The following KIAA1755 variants were observed in gnomAD, a reference collection of about 807,000 sequenced individuals.
KIAA1755 encodes uncharacterized protein KIAA1755.
A neutral mutation model predicts 91.7 loss-of-function variants in KIAA1755; 68 were observed. The observed-to-expected ratio is 0.74, with a 90% CI of 0.61 to 0.91. The LOEUF (loss-of-function observed/expected upper bound fraction) is 0.91. Ranked by LOEUF, KIAA1755 falls within the 40% of genes least tolerant of loss-of-function variation. The probability of loss-of-function intolerance (pLI) is 0.00; values close to 1 mark genes in which losing one functional copy is unlikely to be tolerated. For synonymous variants in KIAA1755, 610 were observed against 604.6 expected (o/e 1.01, Z -0.13); for missense variants, 1,535 against 1,494.4 (o/e 1.03, Z -0.45).
chr20:38,213,495 C>T lies in KIAA1755; in HGVS notation c.3150G>A (p.Lys1050=), dbSNP rs980084959. 9.9e-6 allele frequency: 16 copies of T among 1,608,820 alleles called. No individual in the cohort carries two copies. Among genetic ancestry groups the T allele is most frequent in the Non-Finnish European group, 1.3e-5 (15 of 1,178,030 alleles). ...CTGGGCAAGAGCTGTGGGTCAGTGC[C>T]TTCTCCAGGAGCATCCGGATCTCCT... is the stretch of plus-strand genomic sequence containing the variant. The part of the protein sequence containing the change: ...RHEEIRMLLE[K]ALTHSSCPEA... Residue 1050 remains lysine (K), a synonymous_variant, in exon 14 of 14, where the codon AAG becomes AAA. Coordinates refer to ENST00000279024, the MANE Select transcript of KIAA1755 (RefSeq NM_001029864.2).
At position 38,240,764 on chromosome 20, in the gene KIAA1755, C is replaced by A; in HGVS notation, c.1367G>T (p.Cys456Phe). Residue 456 changes from cysteine (C) to phenylalanine (F), a missense_variant, in exon 3 of 14, where the codon TGC becomes TTC. By Grantham distance (205) the Cys-to-Phe change is radical. Transcript: ENST00000279024. Reference sequence around the variant, plus strand: ...AGGGGAGGAGGTGTTTCTGCTAGGGCAGGGCATGGGCTTGGGAAGTCTCCC... The same window carrying A: ...AGGGGAGGAGGTGTTTCTGCTAGGGAAGGGCATGGGCTTGGGAAGTCTCCC... The part of the protein sequence containing the change: ...RNGRLPKPMP[C>F]PSRNTSSPEP... 6.3e-7 allele frequency: 1 copy of A among 1,591,638 alleles called. No homozygotes were observed.
intron 1 of KIAA1755, among the ~76,000 whole-genome samples, chr20:38,255,759 A>C (rs1266548065): frequency 6.6e-6 from 1 of 152,170 alleles, no homozygotes; most frequent in Non-Finnish European, 1.5e-5. Flanking sequence ...AACAGCCCTG[A>C]TGCAGTGAGC....
intron 1 of KIAA1755, among the ~76,000 whole-genome samples, chr20:38,254,651 TG>T (rs1318713557): frequency 1.3e-5 from 2 of 151,120 alleles, no homozygotes; most frequent in African/African-American, 4.9e-5. Context: ...TAGCCAGGCA[TG>T]GTAGCTCATG....
chr20:38,255,045 C>T (rs570084944), intron 1 of KIAA1755, among the ~76,000 whole-genome samples: 40 of 152,058 alleles, frequency 2.6e-4, no homozygotes, highest in African/African-American at 9.2e-4. Flanking sequence ...GGTGTGGTGG[C>T]GGGTGCTGAA....
intron 1 of KIAA1755, among the ~76,000 whole-genome samples, chr20:38,255,848 C>A (rs567970298): frequency 6.6e-6 from 1 of 152,220 alleles, no homozygotes. Flanking sequence ...CGACCCCCTG[C>A]CCCTCACTGA....
At chr20:38,247,231 G>A (rs983536367) in intron 1 of KIAA1755, among the ~76,000 whole-genome samples, 5 of 152,080 alleles carry the variant, frequency 3.3e-5, no homozygotes, top group Admixed American at 6.5e-5. Context: ...GGTTCCCACC[G>A]TCTTCAGGAA....
At chr20:38,249,258 C>T (rs1456274167) in intron 1 of KIAA1755, among the ~76,000 whole-genome samples, 1 of 152,168 alleles carries the variant, frequency 6.6e-6, no homozygotes, top group Non-Finnish European at 1.5e-5. Flanking sequence ...ACCCATAGGT[C>T]ATGAGCCTCA....
chr20:38,245,356 A>G (rs1487975508), intron 2 of KIAA1755, among the ~76,000 whole-genome samples: 1 of 152,254 alleles, frequency 6.6e-6, no homozygotes, highest in Non-Finnish European at 1.5e-5. Flanking sequence ...AAGGGATTTG[A>G]TCAGTGGATC....
At chr20:38,256,046 T>A (rs1600666551) in intron 1 of KIAA1755, among the ~76,000 whole-genome samples, 1 of 152,278 alleles carries the variant, frequency 6.6e-6, no homozygotes. Flanking sequence ...ATGGGCTGGG[T>A]ATTTTTATTC....
At chr20:38,235,542 T>C (rs2075945746) in intron 4 of KIAA1755, among the ~76,000 whole-genome samples, 3 of 151,988 alleles carry the variant, frequency 2.0e-5, no homozygotes, top group Non-Finnish European at 2.9e-5. Context: ...GTGAGGGAGA[T>C]GCAACATTGC....
rs575795805 is a variant in KIAA1755 at position 38,256,355 on chromosome 20, T to C, written c.3+4143A>G. On this transcript the variant is annotated intron_variant, in intron 1 of 13. Coordinates refer to ENST00000279024, the MANE Select transcript of KIAA1755 (RefSeq NM_001029864.2). ...TTCCCTACTTCTTCTAAACATACTT[T>C]ATGCTGTAGCCCAAGGCTTTCCAAT... is the stretch of plus-strand genomic sequence containing the variant. Among the ~76,000 whole-genome samples, 6 of 152,374 alleles carry C rather than the reference T, an allele frequency of 3.9e-5. No individual in the cohort carries two copies. In the South Asian group the frequency reaches 1.2e-3, roughly 32 times the overall value.
chr20:38,246,221 C>G, intron 1 of KIAA1755, 95 bp from the exon 2 acceptor site: 1 of 1,025,896 alleles, frequency 9.7e-7, no homozygotes, highest in East Asian at 2.6e-5. Flanking sequence ...CCTAAGGCCC[C>G]TGCTAATTCT....
intron 4 of KIAA1755, among the ~76,000 whole-genome samples, chr20:38,231,618 A>G (rs1191168800): frequency 6.6e-6 from 1 of 152,186 alleles, no homozygotes; most frequent in Non-Finnish European, 1.5e-5. Flanking sequence ...GAAAGGGGTC[A>G]AGTCTCTGCT....
chr20:38,259,374 G>A (rs1245058586), intron 1 of KIAA1755, among the ~76,000 whole-genome samples: 1 of 152,072 alleles, frequency 6.6e-6, no homozygotes, highest in East Asian at 1.9e-4. Context: ...CAGAAGGCAT[G>A]GGTGTATGAG....
At chr20:38,233,379 A>C (rs1226207040) in intron 4 of KIAA1755, 1 of 152,198 alleles carries the variant, frequency 6.6e-6, no homozygotes, top group Non-Finnish European at 1.5e-5. Flanking sequence ...AAGAAGGTGA[A>C]GTCATTAAAC....
rs1403742521 is a variant in KIAA1755 at position 38,240,090 on chromosome 20, C to CCTTCCTTCCTTCCTTCCGT, written c.1550-384_1550-366dup. On this transcript the variant is annotated intron_variant, in intron 3 of 13. Transcript: ENST00000279024. ...TTATTTATTCCTTCCTTCTTTCCTT[C>CCTTCCTTCCTTCCTTCCGT]CTTCCTTCCTTCCTTCCGTCTTCCT... Among the ~76,000 whole-genome samples, 11 of 152,164 alleles carry CCTTCCTTCCTTCCTTCCGT rather than the reference C, an allele frequency of 7.2e-5. No individual in the cohort carries two copies. The East Asian group carries it at 1.9e-3, about 27-fold the overall frequency.
chr20:38,243,623 T>C (rs1250085861), intron 2 of KIAA1755, among the ~76,000 whole-genome samples: 1 of 152,236 alleles, frequency 6.6e-6, no homozygotes, highest in African/African-American at 2.4e-5. Flanking sequence ...ATTTGGCTCA[T>C]AGCCACACAG....
rs112401596 is a variant in KIAA1755, at chr20:38,213,684, G to A, written c.2961C>T (p.Thr987=). The A allele has an allele frequency of 0.019, 30,487 of 1,568,822 alleles. 373 individuals carry two copies. The highest frequency in any genetic ancestry group is 0.024 in the Non-Finnish European group (27,499 of 1,156,888). ...GCTGGTCCCCAGGACTGACCCTTGAGGTCTTGTCCAGCCTGAGCTGGGCCA... is the reference window on the plus strand; with the variant it reads ...GCTGGTCCCCAGGACTGACCCTTGAAGTCTTGTCCAGCCTGAGCTGGGCCA... ...DLMAQLRLDK[T]SRVSPGDQRR... The change falls in exon 14 of 14, where the codon ACC becomes ACT. Residue 987 remains threonine, a synonymous_variant. Transcript: ENST00000279024.
intron 1 of KIAA1755, among the ~76,000 whole-genome samples, chr20:38,250,427 A>C (rs952837383): frequency 2.0e-5 from 3 of 151,834 alleles, no homozygotes; most frequent in Non-Finnish European, 4.4e-5. Flanking sequence ...GTAGGTGCTC[A>C]TTAAGTAAGA....
Sources: gnomAD v4.1 joint callset for allele counts (sites outside exome capture counted in the v4.1 genomes callset) on GRCh38, gnomAD v4.1.1 for gene constraint, MANE v1.5 for transcripts, NCBI Gene and HGNC (gene_info 2026-07-23, HGNC 2026-07-21) for gene names.